Variants in MICU1 observed in about 807,000 individuals in gnomAD.
MICU1 encodes mitochondrial calcium uptake 1.
In MICU1, 45 loss-of-function variants were observed where a neutral mutation model predicts 56.8. That is an observed-to-expected ratio of 0.79 (90% CI 0.62 to 1.02). The LOEUF (loss-of-function observed/expected upper bound fraction) is 1.02. Ranked by LOEUF, MICU1 falls within the 50% of genes least tolerant of loss-of-function variation. MICU1 has a pLI of 0.00. For synonymous variants in MICU1, 186 were observed against 195.1 expected, an observed-to-expected ratio of 0.95 and a Z score of 0.39; for missense variants, 504 against 587.1, an observed-to-expected ratio of 0.86 and a Z score of 1.46.
At chr10:72,591,186 T>C (rs1428634257) in intron 1 of MICU1, among the ~76,000 whole-genome samples, 2 of 151,934 alleles carry the variant, frequency 1.3e-5, no homozygotes, top group Non-Finnish European at 2.9e-5. Flanking sequence ...TACTTAGAGA[T>C]GAATGAAACA....
chr10:72,624,216 A>G (rs958527587), intron 1 of MICU1, among the ~76,000 whole-genome samples: 1 of 152,196 alleles, frequency 6.6e-6, no homozygotes, highest in Admixed American at 6.6e-5. Flanking sequence ...GTTTTAAGAG[A>G]CAGGGTATCG....
chr10:72,394,764 A>G (rs897837997), intron 10 of MICU1, among the ~76,000 whole-genome samples: 13 of 152,254 alleles, frequency 8.5e-5, no homozygotes, highest in South Asian at 4.1e-4. Context: ...TGAGACCAGG[A>G]GCTCAAGACC....
chr10:72,506,835 G>A (rs1025520656), intron 6 of MICU1, among the ~76,000 whole-genome samples: 4 of 152,164 alleles, frequency 2.6e-5, no homozygotes, highest in Admixed American at 6.5e-5. Flanking sequence ...ATGATCTTAA[G>A]TTGTATGCTG....
intron 5 of MICU1, among the ~76,000 whole-genome samples, chr10:72,515,801 T>C (rs1283672739): frequency 6.6e-6 from 1 of 152,232 alleles, no homozygotes; most frequent in Non-Finnish European, 1.5e-5. Context: ...TTTATCAAGA[T>C]ATGGAACATT....
intron 8 of MICU1, among the ~76,000 whole-genome samples, chr10:72,430,977 G>GT (rs913084174): frequency 6.6e-6 from 1 of 150,724 alleles, no homozygotes; most frequent in Non-Finnish European, 1.5e-5. Context: ...TTTGCAATTT[G>GT]TTTTTTTTAA....
chr10:72,608,472 A>G (rs1279194436), intron 1 of MICU1, among the ~76,000 whole-genome samples: 1 of 152,254 alleles, frequency 6.6e-6, no homozygotes, highest in African/African-American at 2.4e-5. Flanking sequence ...ACAAATGGCC[A>G]ATAAGCACAT....
chr10:72,536,378 G>A (rs190723793), intron 4 of MICU1, among the ~76,000 whole-genome samples: 304 of 151,858 alleles, frequency 2.0e-3, no homozygotes, highest in African/African-American at 7.0e-3. Context: ...ATGGAGTCTC[G>A]CTTTGTCCCC....
At chr10:72,389,839 A>G (rs1440870601) in intron 10 of MICU1, among the ~76,000 whole-genome samples, 2 of 152,212 alleles carry the variant, frequency 1.3e-5, no homozygotes, top group African/African-American at 4.8e-5. Flanking sequence ...CATCATAGAA[A>G]GCCATTGGGA....
chr10:72,618,432 A>G (rs1407066283), intron 1 of MICU1, among the ~76,000 whole-genome samples: 1 of 152,136 alleles, frequency 6.6e-6, no homozygotes, highest in Non-Finnish European at 1.5e-5. Context: ...TTATGCTTCA[A>G]TACCATCTCA....
chr10:72,534,720 T>G (rs1395677346), intron 4 of MICU1, among the ~76,000 whole-genome samples: 1 of 152,166 alleles, frequency 6.6e-6, no homozygotes, highest in Non-Finnish European at 1.5e-5. Context: ...AAAAGCTTTT[T>G]GCATTTCTAA....
chr10:72,411,992 T>G (rs186893007), intron 9 of MICU1, among the ~76,000 whole-genome samples: 1 of 152,304 alleles, frequency 6.6e-6, no homozygotes, highest in African/African-American at 2.4e-5. Flanking sequence ...ATAAAAAATT[T>G]TATTGAGCAC....
intron 8 of MICU1, among the ~76,000 whole-genome samples, chr10:72,474,064 C>T (rs574247179): frequency 6.6e-6 from 1 of 151,830 alleles, no homozygotes; most frequent in Admixed American, 6.6e-5. Context: ...CAAGACCAGT[C>T]TGGCCAACAT....
At chr10:72,607,724 C>T (rs967999519) in intron 1 of MICU1, among the ~76,000 whole-genome samples, 3 of 151,564 alleles carry the variant, frequency 2.0e-5, no homozygotes, top group African/African-American at 2.4e-5. Context: ...AATGACCAAA[C>T]CCAAGAAGGA....
intron 1 of MICU1, among the ~76,000 whole-genome samples, chr10:72,608,337 G>T (rs1425544326): frequency 6.6e-6 from 1 of 152,172 alleles, no homozygotes; most frequent in East Asian, 1.9e-4. Flanking sequence ...AGCCCGAAGT[G>T]CTGGGATTAC....
At chr10:72,475,320 T>A in intron 7 of MICU1, 23 bp from the exon 8 acceptor site, 1 of 1,551,048 alleles carries the variant, frequency 6.4e-7, no homozygotes, top group Non-Finnish European at 8.7e-7. Context: ...CAAACCCACA[T>A]CCAGAAAAAT....
At chr10:72,618,626 AAG>A (rs775203825) in intron 1 of MICU1, among the ~76,000 whole-genome samples, 5 of 152,228 alleles carry the variant, frequency 3.3e-5, no homozygotes, top group African/African-American at 4.8e-5. Context: ...TCGAATCTAA[AAG>A]AGAATTTTAA....
At chr10:72,552,142 T>C (rs1840049852) in intron 3 of MICU1, among the ~76,000 whole-genome samples, 1 of 152,214 alleles carries the variant, frequency 6.6e-6, no homozygotes, top group Non-Finnish European at 1.5e-5. Context: ...GCAACAGATT[T>C]TTGATTATAA....
chr10:72,381,214 C>T (rs977396774), intron 10 of MICU1, among the ~76,000 whole-genome samples: 2 of 152,164 alleles, frequency 1.3e-5, no homozygotes, highest in Non-Finnish European at 2.9e-5. Flanking sequence ...AGTCTCTAAG[C>T]TGTGTGGCCA....
At chr10:72,566,075 T>C (rs1294210676) in intron 2 of MICU1, among the ~76,000 whole-genome samples, 1 of 148,826 alleles carries the variant, frequency 6.7e-6, no homozygotes, top group African/African-American at 2.5e-5. Flanking sequence ...AGACAGTTTT[T>C]CTCTGTCACC....
Sources: allele counts gnomAD v4.1 joint callset (sites outside exome capture counted in the v4.1 genomes callset), GRCh38; gene constraint gnomAD v4.1.1; transcripts MANE v1.5; gene names NCBI Gene and HGNC (gene_info 2026-07-23, HGNC 2026-07-21).